The following ZNF345 variants were observed in gnomAD, a reference collection of about 807,000 sequenced individuals.
The protein encoded by ZNF345 is zinc finger protein HZF10.
For synonymous variants in ZNF345, 166 were observed against 187.9 expected (o/e 0.88, Z 0.95); for missense variants, 527 against 589.9 (o/e 0.89, Z 1.10).
Position 36,891,777 on chromosome 19 carries a change from T to C in ZNF345, c.47-1041T>C, listed in dbSNP as rs538972636. 2.2e-5 allele frequency: 36 copies of C among 1,614,118 alleles called. 1 individual carries two copies. In the South Asian group the frequency reaches 3.8e-4, roughly 17 times the overall value. ...CATGAATTCTGTGATGGTTAGTAAG[T>C]GTTGAGGCACTATTAAAGGCCTTCC... On this transcript the variant is annotated intron_variant, in intron 3 of 3. Coordinates refer to the ZNF345 transcript ENST00000526123.
rs202011849 is a variant in ZNF345 at position 36,877,074 on chromosome 19, C to T, written c.244C>T (p.Arg82Ter). Residue 82 changes from arginine (R) to a stop codon, truncating the protein, a stop_gained, in exon 3 of 3, where the codon CGA becomes TGA. Transcript: ENST00000420450. LOFTEE classifies it low-confidence loss of function (END_TRUNC). ...SFVSVLVRHQRIHTGEKPYEC... is the reference protein window; with the variant it reads ...SFVSVLVRHQ ...TGTATCAGTCCTTGTTCGACATCAG[C>T]GAATTCATACTGGTGAGAAACCTTA... 74 of 1,613,348 alleles carry T rather than the reference C, an allele frequency of 4.6e-5. No individual in the cohort carries two copies. The highest frequency in any genetic ancestry group is 4.5e-4 in the Admixed American group (27 of 59,938).
chr19:36,871,464 C>T (rs567115786), intron 2 of ZNF345, among the ~76,000 whole-genome samples: 29 of 152,126 alleles, frequency 1.9e-4, no homozygotes, highest in Non-Finnish European at 3.1e-4. Context: ...ATGTTGGGGA[C>T]ATCTTCACAT....
In ZNF345 at chr19:36,878,593, G is replaced by T; in HGVS notation, c.*296G>T. 1 of 230,924 alleles carries T rather than the reference G, an allele frequency of 4.3e-6. No homozygotes were observed. Among genetic ancestry groups the T allele is most frequent in the South Asian group, 1.6e-4 (1 of 6,156 alleles). The allele number at this position is 230,924 out of a possible 1,614,324, so 14.3% of individuals were successfully genotyped here. On this transcript the variant is annotated 3_prime_UTR_variant, in exon 3 of 3. Transcript: ENST00000420450. ...TTTAAACATTGGAAAACTCATTTCT[G>T]GGTTAATCCTACTATATTTTTTCAA...
intron 2 of ZNF345, among the ~76,000 whole-genome samples, chr19:36,867,847 C>T (rs1363542771): frequency 6.6e-6 from 1 of 151,990 alleles, no homozygotes; most frequent in African/African-American, 2.4e-5. Flanking sequence ...GTTTACAAGT[C>T]TGTTCTTAGG....
downstream of ZNF345, among the ~76,000 whole-genome samples, chr19:36,882,019 A>G (rs755433542): frequency 1.3e-5 from 2 of 150,376 alleles, no homozygotes; most frequent in Non-Finnish European, 3.0e-5. Context: ...ATTCCTCTAA[A>G]TTGATTTGAA....
chr19:36,870,826 C>A (rs1235453696), intron 2 of ZNF345, among the ~76,000 whole-genome samples: 1 of 151,980 alleles, frequency 6.6e-6, no homozygotes, highest in East Asian at 1.9e-4. Context: ...TTTTATACTA[C>A]ATACCAAGTG....
Position 36,891,146 on chromosome 19 carries a change from A to C in ZNF345, c.47-1672A>C, listed in dbSNP as rs531921179. 61 of 193,202 alleles carry C rather than the reference A, an allele frequency of 3.2e-4. 1 individual carries two copies. In the South Asian group the frequency reaches 0.01, roughly 32 times the overall value. The allele number at this position is 193,202 out of a possible 1,614,324, so 12.0% of individuals were successfully genotyped here. ...TACACAGCGAGAATGCAATGTGAAG[A>C]TGGAGGCAGAGATTGGAATGGTGTA... On this transcript the variant is annotated intron_variant, in intron 3 of 3. Transcript: ENST00000526123.
chr19:36,873,350 C>T (rs1022586176), intron 2 of ZNF345, among the ~76,000 whole-genome samples: 3 of 151,906 alleles, frequency 2.0e-5, no homozygotes, highest in Admixed American at 6.6e-5. Flanking sequence ...CTAATATTTG[C>T]CTATTTTTTG....
intron 2 of ZNF345, among the ~76,000 whole-genome samples, chr19:36,858,687 A>G (rs1291030395): frequency 6.6e-6 from 1 of 152,118 alleles, no homozygotes; most frequent in East Asian, 1.9e-4. Flanking sequence ...GACCCCTTGA[A>G]CCTGGGAGGT....
chr19:36,857,082 A>G (rs1258879207), intron 2 of ZNF345, among the ~76,000 whole-genome samples: 3 of 152,216 alleles, frequency 2.0e-5, no homozygotes, highest in East Asian at 1.9e-4. Flanking sequence ...GCCAAAATAC[A>G]TATCAACAGC....
chr19:36,869,962 A>G (rs543440936), intron 2 of ZNF345, among the ~76,000 whole-genome samples: 53 of 152,046 alleles, frequency 3.5e-4, no homozygotes, highest in South Asian at 1.0e-3. Flanking sequence ...TGTATTTTTA[A>G]TAGAGACAGG....
intron 2 of ZNF345, among the ~76,000 whole-genome samples, chr19:36,876,206 G>A (rs2072878400): frequency 6.6e-6 from 1 of 152,104 alleles, no homozygotes; most frequent in Non-Finnish European, 1.5e-5. Context: ...CCTCTCCATA[G>A]CTCATTCCAT....
At chr19:36,863,755 T>G (rs1375710074) in intron 2 of ZNF345, among the ~76,000 whole-genome samples, 1 of 152,234 alleles carries the variant, frequency 6.6e-6, no homozygotes, top group Non-Finnish European at 1.5e-5. Context: ...TCTTTATGCA[T>G]TTAAGTTAAC....
At position 36,878,056 on chromosome 19, in the gene ZNF345, G is replaced by A; in HGVS notation, c.1226G>A (p.Ser409Asn). ...ECKECGKSFSSGSALNRHQRI... is the reference protein window; with the variant it reads ...ECKECGKSFSNGSALNRHQRI... ...AAAGAATGTGGAAAGTCCTTTAGTA[G>A]TGGTTCAGCTCTTAATCGGCACCAG... Residue 409 changes from serine (S) to asparagine (N), a missense_variant, in exon 3 of 3, where the codon AGT becomes AAT. Transcript: ENST00000420450. 1.2e-6 allele frequency: 2 copies of A among 1,614,000 alleles called. No individual in the cohort carries two copies. Among genetic ancestry groups the A allele is most frequent in the Non-Finnish European group, 1.7e-6 (2 of 1,179,994 alleles).
At chr19:36,858,793 A>G (rs145917090) in intron 2 of ZNF345, among the ~76,000 whole-genome samples, 142 of 152,246 alleles carry the variant, frequency 9.3e-4, no homozygotes, top group East Asian at 1.2e-3. Context: ...ATAAAAAATA[A>G]AAAGCTACCC....
chr19:36,856,404 C>G (rs1276027745), intron 2 of ZNF345, among the ~76,000 whole-genome samples: 1 of 152,088 alleles, frequency 6.6e-6, no homozygotes, highest in Non-Finnish European at 1.5e-5. Flanking sequence ...TTTTCTCTTA[C>G]TTTGTACTGC....
At chr19:36,856,863 A>G (rs1458721588) in intron 2 of ZNF345, among the ~76,000 whole-genome samples, 2 of 152,140 alleles carry the variant, frequency 1.3e-5, no homozygotes, top group Admixed American at 1.3e-4. Flanking sequence ...AAAAAAAAAA[A>G]AAGATTGCTG....
chr19:36,852,506 G>A (rs886772658), intron 2 of ZNF345, among the ~76,000 whole-genome samples: 6 of 151,854 alleles, frequency 4.0e-5, no homozygotes, highest in Non-Finnish European at 7.4e-5. Flanking sequence ...AGCTACTTGG[G>A]AGGCTGAGGA....
chr19:36,877,760 TGAGAA>T lies in ZNF345; in HGVS notation c.931_935del (p.Glu311ThrfsTer3). 3 of 1,613,984 alleles carry T rather than the reference TGAGAA, an allele frequency of 1.9e-6. No homozygotes were observed. The highest frequency in any genetic ancestry group is 2.5e-6 in the Non-Finnish European group (3 of 1,179,978). On this transcript the variant is annotated frameshift_variant, in exon 3 of 3. Transcript: ENST00000420450. LOFTEE classifies it low-confidence loss of function (END_TRUNC). ...CTCAGCATCAGAGAATTCACACTGG[TGAGAA>T]ACCCTATGAGTGTAAGGAGTGTGAG... is the stretch of plus-strand genomic sequence containing the variant.
Sources: allele counts gnomAD v4.1 joint callset (sites outside exome capture counted in the v4.1 genomes callset), GRCh38; gene constraint gnomAD v4.1.1; transcripts MANE v1.5; gene names NCBI Gene and HGNC (gene_info 2026-07-23, HGNC 2026-07-21).